The following BIN1 variants were observed in gnomAD, a reference collection of about 807,000 sequenced individuals.
The protein encoded by BIN1 is myc box-dependent-interacting protein 1.
A neutral mutation model predicts 82.0 loss-of-function variants in BIN1; 53 were observed. That is an observed-to-expected ratio of 0.65 (90% confidence interval 0.52 to 0.81). BIN1 has a LOEUF of 0.81. Among genes scored for constraint, BIN1 ranks in the 40% least tolerant of loss-of-function variants. The pLI, the probability that BIN1 is intolerant of heterozygous loss-of-function variation, is 0.00. For missense variants in BIN1, 642 were observed against 784.4 expected (o/e 0.82, Z 2.17); for synonymous variants, 302 against 328.0 (o/e 0.92, Z 0.86).
At chr2:127,052,147 T>C in intron 15 of BIN1, 108 bp downstream of exon 15, 1 of 1,173,578 alleles carries the variant, frequency 8.5e-7, no homozygotes, top group Non-Finnish European at 1.2e-6. Context: ...CACCCTCACA[T>C]CCATGGTGGC....
chr2:127,095,839 G>A (rs1679529615), intron 1 of BIN1, among the ~76,000 whole-genome samples: 1 of 152,190 alleles, frequency 6.6e-6, no homozygotes, highest in Non-Finnish European at 1.5e-5. Flanking sequence ...ATTACATAAT[G>A]CAACAGAGGT....
intron 1 of BIN1, among the ~76,000 whole-genome samples, chr2:127,077,316 C>CCACACA (rs10573582): frequency 4.7e-5 from 7 of 150,294 alleles, no homozygotes; most frequent in Non-Finnish European, 7.4e-5. Context: ...TCTGCACAGC[C>CCACACA]CACACACACA....
At position 127,093,929 on chromosome 2, in the gene BIN1, C is replaced by T. The variant is rs1679255210; in HGVS notation, c.84+12931G>A. On this transcript the variant is annotated intron_variant, in intron 1 of 18. Transcript: ENST00000316724. The surrounding 1 kb of genome is among the most constrained non-coding windows in gnomAD (Gnocchi z 5.7). The stretch of plus-strand genomic sequence containing the variant: ...CAGTGCTGGGGGCCCCAGGCCTAAA[C>T]TCAGACAGGACGGCCCTAGAGGATA... Among the ~76,000 whole-genome samples the T allele has an allele frequency of 6.6e-6, 1 of 152,226 alleles. No homozygotes were observed. Among genetic ancestry groups the T allele is most frequent in the Non-Finnish European group, 1.5e-5 (1 of 68,036 alleles).
At chr2:127,065,585 G>C (rs1685054734) in intron 7 of BIN1, among the ~76,000 whole-genome samples, 1 of 152,128 alleles carries the variant, frequency 6.6e-6, no homozygotes, top group Non-Finnish European at 1.5e-5. Context: ...TGGGTCTAAA[G>C]TCCCACATTC....
chr2:127,100,989 T>C (rs535128285), intron 1 of BIN1, among the ~76,000 whole-genome samples: 15 of 89,342 alleles, frequency 1.7e-4, no homozygotes, highest in Non-Finnish European at 3.0e-4. Context: ...TGCCCAAGGG[T>C]AGGAATGTGC....
chr2:127,086,090 A>AC (rs1207983428), intron 1 of BIN1, among the ~76,000 whole-genome samples: 3 of 151,428 alleles, frequency 2.0e-5, no homozygotes, highest in African/African-American at 7.3e-5. Flanking sequence ...TCACCCTTGA[A>AC]CCCCCTCCCG....
At chr2:127,056,039 G>A (rs1683622740) in intron 12 of BIN1, 5 of 152,318 alleles carry the variant, frequency 3.3e-5, no homozygotes, top group Admixed American at 3.3e-4. Context: ...GGCACACCTT[G>A]CTCTGGCGTG....
At position 127,076,808 on chromosome 2, in the gene BIN1, T is replaced by C. The variant is rs13387613; in HGVS notation, c.85-102A>G. ...ACAGCACAGACCAGGGGCTGGGAAG[T>C]CTCTAGCCAACATCACCCAGCCCAG... On this transcript the variant is annotated intron_variant, in intron 1 of 18. Transcript: ENST00000316724. 224,471 of 1,362,222 alleles carry C rather than the reference T, an allele frequency of 0.16. 19,793 individuals are homozygous for C. Among genetic ancestry groups the C allele is most frequent in the South Asian group, 0.24 (20,585 of 85,678 alleles). The allele number at this position is 1,362,222 out of a possible 1,614,324, so 84.4% of individuals were successfully genotyped here. A position where few individuals can be genotyped will look rare whatever the true frequency, so the allele number is the denominator to read the frequency against.
chr2:127,067,959 G>C lies in BIN1; in HGVS notation c.612+204C>G, dbSNP rs1360835384. ...CGGGCATAGCTATGCCCCCACCCAG[G>C]TCACACAGAGCCCCTCAGCCGGTTC... On this transcript the variant is annotated intron_variant, in intron 7 of 18. Transcript: ENST00000316724. The surrounding 1 kb of genome is among the most constrained non-coding windows in gnomAD (Gnocchi z 4.7). Among the ~76,000 whole-genome samples the C allele has an allele frequency of 6.6e-6, 1 of 152,120 alleles. No homozygotes were observed. The highest frequency in any genetic ancestry group is 2.4e-5 in the African/African-American group (1 of 41,434).
At chr2:127,061,908 G>A (rs928443125) in intron 10 of BIN1, among the ~76,000 whole-genome samples, 24 of 152,240 alleles carry the variant, frequency 1.6e-4, no homozygotes, top group Admixed American at 2.0e-4. Flanking sequence ...CTTCCTCGAC[G>A]AACACAGCCA....
chr2:127,099,613 A>C (rs947986323), intron 1 of BIN1, among the ~76,000 whole-genome samples: 1 of 152,196 alleles, frequency 6.6e-6, no homozygotes, highest in African/African-American at 2.4e-5. Flanking sequence ...TCCCGGGTTC[A>C]AGCGATTCTC....
chr2:127,101,991 C>A (rs777312786), intron 1 of BIN1, among the ~76,000 whole-genome samples: 3 of 152,192 alleles, frequency 2.0e-5, no homozygotes, highest in Admixed American at 6.5e-5. Flanking sequence ...CGCTCTGCCA[C>A]AGAGCTGGCA....
chr2:127,064,393 C>T (rs752642794), intron 7 of BIN1, among the ~76,000 whole-genome samples: 2 of 152,196 alleles, frequency 1.3e-5, no homozygotes, highest in Non-Finnish European at 2.9e-5. Flanking sequence ...CCCACTTCCA[C>T]AATGAACCTC....
chr2:127,050,999 G>A (rs569414275), intron 16 of BIN1, 87 bp from the exon 17 acceptor site: 1 of 1,513,348 alleles, frequency 6.6e-7, no homozygotes. Context: ...GGGGAGGGGA[G>A]AAAGGTGTCT....
chr2:127,073,068 C>A (rs955861503), intron 2 of BIN1, among the ~76,000 whole-genome samples: 3 of 152,342 alleles, frequency 2.0e-5, no homozygotes, highest in Admixed American at 2.0e-4. Context: ...TCGTTGTGCT[C>A]CCCCGGGCTT....
At chr2:127,104,509 C>T (rs1680775390) in intron 1 of BIN1, among the ~76,000 whole-genome samples, 1 of 152,174 alleles carries the variant, frequency 6.6e-6, no homozygotes, top group South Asian at 2.1e-4. Flanking sequence ...GACGCCAGGA[C>T]TCTCCCAGCC....
At chr2:127,069,731 A>C (rs918190364) in intron 5 of BIN1, among the ~76,000 whole-genome samples, 1 of 147,586 alleles carries the variant, frequency 6.8e-6, no homozygotes, top group African/African-American at 2.5e-5. Context: ...ACTCCGCAGC[A>C]ACACACACAC....
chr2:127,053,320 G>T, intron 14 of BIN1, 102 bp downstream of exon 14: 1 of 1,508,538 alleles, frequency 6.6e-7, no homozygotes, highest in South Asian at 1.2e-5. Context: ...GGGGGTGTGT[G>T]GGGTGCATGC....
In BIN1 at chr2:127,063,604, G is replaced by C. The variant is rs766037529; in HGVS notation, c.741C>G (p.Gly247=). 6.2e-7 allele frequency: 1 copy of C among 1,613,966 alleles called. No homozygotes were observed. Among genetic ancestry groups the C allele is most frequent in the African/African-American group, 1.3e-5 (1 of 75,022 alleles). The change falls in exon 9 of 19, where the codon GGC becomes GGG. Residue 247 remains glycine, a synonymous_variant. Coordinates refer to ENST00000316724, the MANE Select transcript of BIN1 (RefSeq NM_139343.3). Reference sequence around the variant, plus strand: ...TCTCCTTGTGGAAGTTTTCCTCCAGGCCCGCGATGCTCTGGAACGTGTTGA... The same window carrying C: ...TCTCCTTGTGGAAGTTTTCCTCCAGCCCCGCGATGCTCTGGAACGTGTTGA... The part of the protein sequence containing the change: ...FYVNTFQSIA[G]LEENFHKEMS...
Sources: gnomAD v4.1 joint callset for allele counts (sites outside exome capture counted in the v4.1 genomes callset) on GRCh38, gnomAD v4.1.1 for gene constraint, Gnocchi (gnomAD v3.1) non-coding constraint, MANE v1.5 for transcripts, NCBI Gene and HGNC (gene_info 2026-07-23, HGNC 2026-07-21) for gene names.